COLGALT2: variants seen among roughly 807,000 people sequenced by gnomAD.
The protein encoded by COLGALT2 is procollagen galactosyltransferase 2.
COLGALT2 carries 49 observed loss-of-function variants against 73.4 expected under a neutral mutation model. That is an observed-to-expected ratio of 0.67 (90% confidence interval 0.53 to 0.85). The LOEUF (loss-of-function observed/expected upper bound fraction) is 0.85, where lower values mean the gene tolerates loss of function less well. Among genes scored for constraint, COLGALT2 ranks in the 40% least tolerant of loss-of-function variants. The probability of loss-of-function intolerance (pLI) is 0.00; values close to 1 mark genes in which losing one functional copy is unlikely to be tolerated. For missense variants in COLGALT2, 722 were observed against 790.2 expected (o/e 0.91, Z 1.03); for synonymous variants, 295 against 307.6 (o/e 0.96, Z 0.43).
chr1:183,959,101 CCTT>C (rs1224825444), intron 6 of COLGALT2, among the ~76,000 whole-genome samples: 1 of 152,122 alleles, frequency 6.6e-6, no homozygotes, highest in Non-Finnish European at 1.5e-5. Flanking sequence ...AATTCTTTAT[CCTT>C]ATTTTCCTTG....
rs1272623318 is a variant in COLGALT2, at chr1:183,935,946, C to A, written c.*2815G>T. 9 of 985,292 alleles carry A rather than the reference C, an allele frequency of 9.1e-6. No homozygotes were observed. The highest frequency in any genetic ancestry group is 1.1e-5 in the Non-Finnish European group (9 of 829,970). The allele number at this position is 985,292 out of a possible 1,614,324, so 61.0% of individuals were successfully genotyped here. ...ACAGATGATGCAGGGGAACGGGTGTCCACTCTTTCTTGTTCTCAGAGCTCC... is the reference window on the plus strand; with the variant it reads ...ACAGATGATGCAGGGGAACGGGTGTACACTCTTTCTTGTTCTCAGAGCTCC... On this transcript the variant is annotated 3_prime_UTR_variant, in exon 12 of 12. Coordinates refer to ENST00000361927, the MANE Select transcript of COLGALT2 (RefSeq NM_015101.4).
chr1:184,027,149 T>G (rs1649356666), intron 1 of COLGALT2, among the ~76,000 whole-genome samples: 1 of 152,200 alleles, frequency 6.6e-6, no homozygotes, highest in Admixed American at 6.5e-5. Flanking sequence ...GGGTTTCTCC[T>G]ATGTAATCCT....
intron 8 of COLGALT2, among the ~76,000 whole-genome samples, chr1:183,949,303 C>CA (rs1463895097): frequency 1.3e-5 from 2 of 152,106 alleles, no homozygotes; most frequent in Non-Finnish European, 2.9e-5. Context: ...AAAAGAATAA[C>CA]AAAATTGAAG....
intron 1 of COLGALT2, among the ~76,000 whole-genome samples, chr1:184,009,515 CCT>C: frequency 6.6e-6 from 1 of 152,086 alleles, no homozygotes; most frequent in East Asian, 1.9e-4. Context: ...CTTATTTTAT[CCT>C]CTGTTTTTTC....
chr1:184,019,485 T>C (rs1649109453), intron 1 of COLGALT2, among the ~76,000 whole-genome samples: 1 of 152,198 alleles, frequency 6.6e-6, no homozygotes, highest in Admixed American at 6.5e-5. Flanking sequence ...TGAACTAGAT[T>C]AAATAGAAAA....
chr1:183,959,884 C>A (rs1186020111), intron 6 of COLGALT2, among the ~76,000 whole-genome samples: 1 of 152,102 alleles, frequency 6.6e-6, no homozygotes, highest in Admixed American at 6.6e-5. Flanking sequence ...GCCTTTTGTC[C>A]CTGGAACACC....
intron 1 of COLGALT2, among the ~76,000 whole-genome samples, chr1:184,006,974 C>T (rs1490724953): frequency 6.6e-6 from 1 of 152,160 alleles, no homozygotes; most frequent in Non-Finnish European, 1.5e-5. Flanking sequence ...TCTAGTTTTA[C>T]CATTGAACAA....
chr1:183,976,579 T>TA (rs1479043210), intron 2 of COLGALT2, among the ~76,000 whole-genome samples: 5 of 152,084 alleles, frequency 3.3e-5, no homozygotes, highest in Admixed American at 1.3e-4. Flanking sequence ...GGAACATTTA[T>TA]AATAGTAAGT....
chr1:184,013,096 T>C (rs780259264), intron 1 of COLGALT2, among the ~76,000 whole-genome samples: 12 of 152,258 alleles, frequency 7.9e-5, no homozygotes, highest in South Asian at 2.1e-4. Context: ...GGGTGGATCA[T>C]TTGAGGTCAG....
intron 1 of COLGALT2, among the ~76,000 whole-genome samples, chr1:183,994,665 G>C (rs965515405): frequency 8.5e-5 from 13 of 152,050 alleles, no homozygotes; most frequent in African/African-American, 1.2e-4. Flanking sequence ...ACGTTGGCCA[G>C]GCTGGTCTCA....
At chr1:183,949,606 T>C (rs1459413308) in intron 8 of COLGALT2, among the ~76,000 whole-genome samples, 3 of 152,174 alleles carry the variant, frequency 2.0e-5, no homozygotes, top group Non-Finnish European at 4.4e-5. Flanking sequence ...CTAAATGTAA[T>C]AGATAAAACT....
At chr1:183,969,176 A>T in intron 5 of COLGALT2, 93 bp downstream of exon 5, 3 of 1,033,692 alleles carry the variant, frequency 2.9e-6, no homozygotes, top group East Asian at 2.9e-5. Flanking sequence ...CAGACATATG[A>T]GGGTTTTTTT....
intron 1 of COLGALT2, among the ~76,000 whole-genome samples, chr1:184,030,448 T>C (rs1649477174): frequency 6.6e-6 from 1 of 152,200 alleles, no homozygotes; most frequent in Non-Finnish European, 1.5e-5. Flanking sequence ...TCAAGAAATA[T>C]GCAGAAACAA....
rs1184335309 is a variant in COLGALT2 at position 184,037,018 on chromosome 1, C to A, written c.263+77G>T. On this transcript the variant is annotated intron_variant, in intron 1 of 11. Transcript: ENST00000361927. ...CAGCGGCTCCCTCGCCCTGCAGCTG[C>A]TGCTCCGGGCGCTGTCCGCGCTGGG... The A allele has an allele frequency of 9.0e-6, 11 of 1,221,124 alleles. No individual in the cohort carries two copies. The South Asian group carries it at 2.8e-4, about 31-fold the overall frequency. The allele number at this position is 1,221,124 out of a possible 1,614,324, so 75.6% of individuals were successfully genotyped here.
chr1:183,942,239 C>T (rs1197367571), intron 10 of COLGALT2, among the ~76,000 whole-genome samples: 4 of 152,056 alleles, frequency 2.6e-5, no homozygotes, highest in African/African-American at 9.7e-5. Flanking sequence ...TGAGCCACTG[C>T]GCCCAGCCCA....
At chr1:184,018,360 G>A (rs1192979190) in intron 1 of COLGALT2, among the ~76,000 whole-genome samples, 12 of 152,098 alleles carry the variant, frequency 7.9e-5, no homozygotes, top group Admixed American at 6.6e-4. Context: ...AATGGGGTTG[G>A]GGTGGGGTAG....
Position 184,037,184 on chromosome 1 carries a change from C to G in COLGALT2, c.174G>C (p.Ala58=), listed in dbSNP as rs767430903. 1 of 1,604,926 alleles carries G rather than the reference C, an allele frequency of 6.2e-7. No homozygotes were observed. Among genetic ancestry groups the G allele is most frequent in the Non-Finnish European group, 8.5e-7 (1 of 1,177,236 alleles). Reference sequence around the variant, plus strand: ...TGTGCGCCGCGTTGCGGGCGAGGACCGCCACGAGCACCGTGGGGCTCTGCA... The same window carrying G: ...TGTGCGCCGCGTTGCGGGCGAGGACGGCCACGAGCACCGTGGGGCTCTGCA... ...SPLQSPTVLV[A]VLARNAAHTL... The change falls in exon 1 of 12, where the codon GCG becomes GCC. Residue 58 remains alanine (A), a synonymous_variant. Transcript: ENST00000361927.
intron 11 of COLGALT2, 47 bp downstream of exon 11, chr1:183,940,534 T>C (rs778710803): frequency 2.0e-6 from 3 of 1,524,778 alleles, no homozygotes; most frequent in Non-Finnish European, 1.8e-6. Flanking sequence ...GCATAATTCA[T>C]GAAGAGGCTG....
At chr1:183,946,063 C>T (rs1411417783) in intron 8 of COLGALT2, 1 of 154,378 alleles carries the variant, frequency 6.5e-6, no homozygotes, top group African/African-American at 2.4e-5. Context: ...ACAAAATGGA[C>T]TGAGACTCCC....
Sources: allele counts gnomAD v4.1 joint callset (sites outside exome capture counted in the v4.1 genomes callset), GRCh38; gene constraint gnomAD v4.1.1; transcripts MANE v1.5; gene names NCBI Gene and HGNC (gene_info 2026-07-23, HGNC 2026-07-21).